Variants in CDH20 observed in about 807,000 individuals in gnomAD.
CDH20 encodes cadherin 20.
A neutral mutation model predicts 74.2 loss-of-function variants in CDH20; 29 were observed. The ratio of observed to expected loss-of-function variants is 0.39; its 90% confidence interval spans 0.29 to 0.53. The LOEUF is 0.53. Among genes scored for constraint, CDH20 ranks in the 20% least tolerant of loss-of-function variants. The probability of loss-of-function intolerance (pLI) is 0.69; values close to 1 mark genes in which losing one functional copy is unlikely to be tolerated. For missense variants in CDH20, 988 were observed against 1,048.3 expected (o/e 0.94, Z 0.79); for synonymous variants, 469 against 405.4 (o/e 1.16, Z -1.88).
intron 1 of CDH20, among the ~76,000 whole-genome samples, chr18:61,367,687 C>T (rs1910905429): frequency 6.6e-6 from 1 of 152,074 alleles, no homozygotes; most frequent in African/African-American, 2.4e-5. Flanking sequence ...TTTAAAGAAC[C>T]TGCATTAGTT....
intron 1 of CDH20, among the ~76,000 whole-genome samples, chr18:61,466,592 A>T (rs940714340): frequency 1.9e-4 from 29 of 152,230 alleles, no homozygotes; most frequent in African/African-American, 7.0e-4. Context: ...AGTCCATGGA[A>T]ATCTCTCAAT....
At chr18:61,461,929 T>C (rs1909791327) in intron 1 of CDH20, among the ~76,000 whole-genome samples, 1 of 152,070 alleles carries the variant, frequency 6.6e-6, no homozygotes, top group Admixed American at 6.6e-5. Flanking sequence ...AGAGGCTAAA[T>C]AGTTACGAAG....
intron 1 of CDH20, among the ~76,000 whole-genome samples, chr18:61,477,074 A>G (rs1372116846): frequency 1.3e-5 from 2 of 152,172 alleles, no homozygotes; most frequent in African/African-American, 2.4e-5. Context: ...GGAATTAAAA[A>G]AAAACAGCCT....
At chr18:61,414,441 G>A (rs943837982) in intron 1 of CDH20, among the ~76,000 whole-genome samples, 5 of 152,138 alleles carry the variant, frequency 3.3e-5, no homozygotes, top group Non-Finnish European at 4.4e-5. Context: ...ATTAGGGCAC[G>A]TCATCATTTT....
intron 1 of CDH20, among the ~76,000 whole-genome samples, chr18:61,395,402 AGG>A (rs1911930267): frequency 3.3e-5 from 5 of 152,340 alleles, no homozygotes; most frequent in African/African-American, 9.6e-5. Context: ...GTGAGTTTTT[AGG>A]ACTGAGTCAT....
At chr18:61,529,531 A>G (rs1483360491) in intron 7 of CDH20, among the ~76,000 whole-genome samples, 1 of 152,226 alleles carries the variant, frequency 6.6e-6, no homozygotes, top group Non-Finnish European at 1.5e-5. Context: ...ACAACTTTAT[A>G]GATGTTGTAT....
At chr18:61,425,214 G>A (rs1429830373) in intron 1 of CDH20, among the ~76,000 whole-genome samples, 1 of 152,224 alleles carries the variant, frequency 6.6e-6, no homozygotes, top group Non-Finnish European at 1.5e-5. Context: ...GCTTATGTCA[G>A]ACCATAGGGT....
At chr18:61,477,732 T>A (rs59271660) in intron 1 of CDH20, among the ~76,000 whole-genome samples, 1,856 of 152,266 alleles carry the variant, frequency 0.012, 42 homozygotes, top group African/African-American at 0.043. Flanking sequence ...ACGTGGCACA[T>A]CATGCAAAAT....
chr18:61,414,016 T>C (rs1912602085), intron 1 of CDH20, among the ~76,000 whole-genome samples: 1 of 152,200 alleles, frequency 6.6e-6, no homozygotes, highest in Non-Finnish European at 1.5e-5. Context: ...ATTTGATTTC[T>C]CACTCTGCTC....
At chr18:61,441,777 G>A (rs1250877870) in intron 1 of CDH20, among the ~76,000 whole-genome samples, 2 of 152,118 alleles carry the variant, frequency 1.3e-5, no homozygotes, top group East Asian at 1.9e-4. Flanking sequence ...TGTACAATGT[G>A]TGTCTAGAAG....
At chr18:61,412,876 T>G (rs957203894) in intron 1 of CDH20, among the ~76,000 whole-genome samples, 1 of 152,182 alleles carries the variant, frequency 6.6e-6, no homozygotes, top group Non-Finnish European at 1.5e-5. Flanking sequence ...TACACACAAG[T>G]ATGTGAACAA....
At chr18:61,361,408 T>C (rs554382273) in intron 1 of CDH20, among the ~76,000 whole-genome samples, 1 of 152,350 alleles carries the variant, frequency 6.6e-6, no homozygotes, top group East Asian at 1.9e-4. Flanking sequence ...ATTTTGTTTA[T>C]AAATTTTATC....
intron 1 of CDH20, among the ~76,000 whole-genome samples, chr18:61,453,542 G>A (rs934975550): frequency 1.3e-5 from 2 of 152,156 alleles, no homozygotes; most frequent in Non-Finnish European, 2.9e-5. Context: ...GCCTCCCAAA[G>A]TGCTGAGATT....
At chr18:61,435,349 T>C (rs964651621) in intron 1 of CDH20, among the ~76,000 whole-genome samples, 1 of 152,078 alleles carries the variant, frequency 6.6e-6, no homozygotes, top group Non-Finnish European at 1.5e-5. Context: ...ACCTAGCATA[T>C]CCCATACTCT....
chr18:61,342,520 C>T (rs1495811), intron 1 of CDH20, among the ~76,000 whole-genome samples: 28,110 of 152,142 alleles, frequency 0.18, 2,863 homozygotes, highest in Admixed American at 0.32. Flanking sequence ...TCACTACTGA[C>T]ATTTTGCCTG....
intron 1 of CDH20, among the ~76,000 whole-genome samples, chr18:61,446,413 C>T (rs1177857987): frequency 6.6e-6 from 1 of 152,302 alleles, no homozygotes; most frequent in African/African-American, 2.4e-5. Context: ...TGCTTCTGAA[C>T]ATGACCTTCT....
chr18:61,486,960 A>G (rs2144289402), intron 1 of CDH20, among the ~76,000 whole-genome samples: 1 of 152,290 alleles, frequency 6.6e-6, no homozygotes, highest in Middle Eastern at 3.4e-3. Context: ...ATCCCTCCCC[A>G]CTACATTTTA....
chr18:61,410,098 A>G (rs1336477657), intron 1 of CDH20, among the ~76,000 whole-genome samples: 7 of 152,208 alleles, frequency 4.6e-5, no homozygotes, highest in Admixed American at 1.3e-4. Flanking sequence ...CTATTGTCCT[A>G]CTATGTTTCC....
At chr18:61,474,147 T>A (rs1388584092) in intron 1 of CDH20, among the ~76,000 whole-genome samples, 2 of 152,184 alleles carry the variant, frequency 1.3e-5, no homozygotes, top group Non-Finnish European at 2.9e-5. Context: ...CTTGTCCCTA[T>A]CATCACTCTC....
Sources: gnomAD v4.1 joint callset for allele counts (sites outside exome capture counted in the v4.1 genomes callset) on GRCh38, gnomAD v4.1.1 for gene constraint, MANE v1.5 for transcripts, NCBI Gene and HGNC (gene_info 2026-07-23, HGNC 2026-07-21) for gene names.